The following CTNNA3 variants were observed in gnomAD, a reference collection of about 807,000 sequenced individuals.
The protein encoded by CTNNA3 is catenin alpha-3.
CTNNA3 carries 76 observed loss-of-function variants against 95.7 expected under a neutral mutation model. The ratio of observed to expected loss-of-function variants is 0.79; its 90% CI spans 0.66 to 0.96. CTNNA3 has a LOEUF of 0.96. Among genes scored for constraint, CTNNA3 ranks in the 40% least tolerant of loss-of-function variants. The pLI, the probability that CTNNA3 is intolerant of heterozygous loss-of-function variation, is 0.00. For synonymous variants in CTNNA3, 431 were observed against 374.4 expected (o/e 1.15, Z -1.74); for missense variants, 1,191 against 1,089.8 (o/e 1.09, Z -1.31).
chr10:66,889,500 T>C (rs1399347252), intron 7 of CTNNA3, among the ~76,000 whole-genome samples: 1 of 152,144 alleles, frequency 6.6e-6, no homozygotes, highest in Non-Finnish European at 1.5e-5. Context: ...CTATCTTCCA[T>C]TCGATTTTGC....
intron 13 of CTNNA3, among the ~76,000 whole-genome samples, chr10:66,210,483 G>A (rs1056167876): frequency 4.6e-5 from 7 of 152,042 alleles, no homozygotes; most frequent in Non-Finnish European, 1.0e-4. Flanking sequence ...TAATGTATTA[G>A]AGTTAGCAAT....
intron 10 of CTNNA3, among the ~76,000 whole-genome samples, chr10:66,616,205 G>A (rs1028317304): frequency 6.6e-6 from 1 of 151,944 alleles, no homozygotes; most frequent in South Asian, 2.1e-4. Flanking sequence ...CCCAAGATTT[G>A]TTTGTGCCCC....
chr10:67,261,302 G>A (rs1386875161), intron 5 of CTNNA3, among the ~76,000 whole-genome samples: 1 of 152,066 alleles, frequency 6.6e-6, no homozygotes, highest in Admixed American at 6.6e-5. Flanking sequence ...AAAATCAAGA[G>A]GGACAGAAGT....
chr10:67,083,010 A>G (rs1857126984), intron 7 of CTNNA3, among the ~76,000 whole-genome samples: 1 of 152,194 alleles, frequency 6.6e-6, no homozygotes, highest in Non-Finnish European at 1.5e-5. Context: ...TTCTACCAGA[A>G]GCCACCTGTG....
chr10:67,567,533 C>G (rs1841849685), intron 3 of CTNNA3, among the ~76,000 whole-genome samples: 1 of 152,128 alleles, frequency 6.6e-6, no homozygotes, highest in Admixed American at 6.6e-5. Flanking sequence ...CCTGACTTAA[C>G]CACTATGTAA....
Position 67,521,952 on chromosome 10 carries a change from T to C in CTNNA3, c.469A>G (p.Thr157Ala), listed in dbSNP as rs1362721317. The stretch of plus-strand genomic sequence containing the variant: ...GCAACATTTTTGAGAGACTCAAATG[T>C]CCTTTGAAACTGAAATTGAAAACAA... ...LLQHVSAFQR[T>A]FESLKNVANK... Residue 157 changes from threonine (T) to alanine (A), a missense_variant, in exon 5 of 18, where the codon ACA (threonine) becomes GCA (alanine). Transcript: ENST00000433211. The C allele has an allele frequency of 8.7e-6, 14 of 1,610,892 alleles. No individual in the cohort carries two copies. The South Asian group carries it at 1.5e-4, about 18-fold the overall frequency.
At chr10:66,255,710 C>T (rs901725532) in intron 13 of CTNNA3, among the ~76,000 whole-genome samples, 19 of 152,234 alleles carry the variant, frequency 1.2e-4, no homozygotes, top group African/African-American at 3.6e-4. Context: ...GTACAGAGTC[C>T]TCAGAAAACC....
intron 7 of CTNNA3, among the ~76,000 whole-genome samples, chr10:66,793,310 T>G (rs1841051987): frequency 6.6e-6 from 1 of 151,864 alleles, no homozygotes; most frequent in Non-Finnish European, 1.5e-5. Context: ...CCCAGAAAAT[T>G]TTTTTCTATT....
rs575015982 is a variant in CTNNA3, at chr10:66,773,170, A to T, written c.1128+2274T>A. Among the ~76,000 whole-genome samples the T allele has an allele frequency of 1.8e-3, 269 of 152,286 alleles. 2 individuals carry two copies. The highest frequency in any genetic ancestry group is 5.8e-3 in the African/African-American group (242 of 41,562). ...AGAAAGAATCATAGCAACTAACTTC[A>T]TCAAAACGGAAGATCATGGAGGTGT... On this transcript the variant is annotated intron_variant, in intron 8 of 17. Coordinates refer to ENST00000433211, the MANE Select transcript of CTNNA3 (RefSeq NM_013266.4).
chr10:66,008,816 T>C (rs1034824725), intron 15 of CTNNA3, among the ~76,000 whole-genome samples: 14 of 152,168 alleles, frequency 9.2e-5, no homozygotes, highest in Admixed American at 7.2e-4. Flanking sequence ...AAATCTGTAC[T>C]TCAGGCCGGG....
At chr10:65,933,572 G>T (rs1387653639) in intron 17 of CTNNA3, among the ~76,000 whole-genome samples, 4 of 152,144 alleles carry the variant, frequency 2.6e-5, no homozygotes, top group Non-Finnish European at 5.9e-5. Flanking sequence ...ATTTGAGATT[G>T]TCTTCTCCAG....
chr10:66,857,720 C>A (rs148482121), intron 7 of CTNNA3, among the ~76,000 whole-genome samples: 1 of 151,704 alleles, frequency 6.6e-6, no homozygotes, highest in East Asian at 1.9e-4. Flanking sequence ...CTCTTGTTGG[C>A]GTATAGTAAT....
intron 17 of CTNNA3, among the ~76,000 whole-genome samples, chr10:65,933,005 T>C (rs1279997420): frequency 6.6e-6 from 1 of 152,120 alleles, no homozygotes; most frequent in African/African-American, 2.4e-5. Context: ...TGACCCCAAT[T>C]TTTGAATGCT....
intron 12 of CTNNA3, among the ~76,000 whole-genome samples, chr10:66,335,465 G>T (rs2092383519): frequency 6.6e-6 from 1 of 152,102 alleles, no homozygotes; most frequent in Non-Finnish European, 1.5e-5. Flanking sequence ...ACCCTCAGCT[G>T]CAGATCTGTT....
intron 5 of CTNNA3, among the ~76,000 whole-genome samples, chr10:67,431,639 A>G (rs1301515196): frequency 6.6e-6 from 1 of 151,988 alleles, no homozygotes; most frequent in African/African-American, 2.4e-5. Context: ...AAATAACCCA[A>G]AATGGACTCT....
chr10:66,549,486 T>A lies in CTNNA3; in HGVS notation c.1375-28713A>T, dbSNP rs150489280. On this transcript the variant is annotated intron_variant, in intron 10 of 17. Coordinates refer to ENST00000433211, the MANE Select transcript of CTNNA3 (RefSeq NM_013266.4). ...TTCCCTTTCTCATCTGTTTTCTATTTCATTGATTTCTACTTTTGTCTTCAC... is the reference window on the plus strand; with the variant it reads ...TTCCCTTTCTCATCTGTTTTCTATTACATTGATTTCTACTTTTGTCTTCAC... Among the ~76,000 whole-genome samples the A allele has an allele frequency of 8.9e-3, 1,357 of 152,280 alleles. 10 individuals carry two copies. The highest frequency in any genetic ancestry group is 0.014 in the Non-Finnish European group (961 of 68,012).
intron 7 of CTNNA3, among the ~76,000 whole-genome samples, chr10:66,920,464 T>G (rs185152517): frequency 1.3e-3 from 204 of 152,344 alleles, no homozygotes; most frequent in African/African-American, 4.9e-3. Context: ...CTTTTGGCTC[T>G]ACTGCCCTCC....
intron 12 of CTNNA3, among the ~76,000 whole-genome samples, chr10:66,331,858 T>C (rs1413018637): frequency 1.3e-5 from 2 of 152,066 alleles, no homozygotes; most frequent in Non-Finnish European, 2.9e-5. Context: ...GGTAGCTTGA[T>C]GGGGATGGCA....
At chr10:66,524,617 C>G (rs931557855) in intron 10 of CTNNA3, among the ~76,000 whole-genome samples, 5 of 152,114 alleles carry the variant, frequency 3.3e-5, no homozygotes, top group African/African-American at 1.2e-4. Context: ...AAGATCAAAG[C>G]TGAAAGTTTC....
Sources: allele counts gnomAD v4.1 joint callset (sites outside exome capture counted in the v4.1 genomes callset), GRCh38; gene constraint gnomAD v4.1.1; transcripts MANE v1.5; gene names NCBI Gene and HGNC (gene_info 2026-07-23, HGNC 2026-07-21).